TINAG: variants seen among roughly 807,000 people sequenced by gnomAD.
TINAG encodes the protein tubulointerstitial nephritis antigen.
TINAG carries 83 observed loss-of-function variants against 72.7 expected under a neutral mutation model. The ratio of observed to expected loss-of-function variants is 1.14; its 90% CI spans 0.96 to 1.37. The LOEUF (loss-of-function observed/expected upper bound fraction) is 1.37. TINAG is among the 40% of genes most tolerant of loss of function. The pLI, the probability that TINAG is intolerant of heterozygous loss-of-function variation, is 0.00. For missense variants in TINAG, 685 were observed against 576.6 expected, an observed-to-expected ratio of 1.19 and a Z score of -1.93; for synonymous variants, 234 against 189.9, an observed-to-expected ratio of 1.23 and a Z score of -1.91.
intron 1 of TINAG, among the ~76,000 whole-genome samples, chr6:54,313,939 T>C (rs1189480587): frequency 1.3e-5 from 2 of 152,176 alleles, no homozygotes; most frequent in Admixed American, 6.6e-5. Flanking sequence ...TAAAACTTTT[T>C]ATATATCCAT....
At chr6:54,322,747 G>A in intron 3 of TINAG, among the ~76,000 whole-genome samples, 1 of 152,186 alleles carries the variant, frequency 6.6e-6, no homozygotes, top group East Asian at 1.9e-4. Flanking sequence ...GAGTGTGTGT[G>A]TTTGTGTTAA....
intron 4 of TINAG, among the ~76,000 whole-genome samples, chr6:54,332,249 G>T (rs1349371537): frequency 6.6e-6 from 1 of 152,112 alleles, no homozygotes; most frequent in African/African-American, 2.4e-5. Context: ...AAAACAGCAT[G>T]GTACTTGTAC....
At chr6:54,327,981 A>G (rs1420908591) in intron 4 of TINAG, among the ~76,000 whole-genome samples, 4 of 152,152 alleles carry the variant, frequency 2.6e-5, no homozygotes. Flanking sequence ...TGGCTTATAG[A>G]TAAAACTCCC....
rs142069767 is a variant in TINAG at position 54,342,062 on chromosome 6, G to GGTGTGT, written c.625-1148_625-1143dup. 5.8e-3 allele frequency among the ~76,000 whole-genome samples: 859 copies of GGTGTGT among 147,638 alleles called. 10 individuals are homozygous for GGTGTGT. Among genetic ancestry groups the GGTGTGT allele is most frequent in the African/African-American group, 0.02 (762 of 38,286 alleles). ...TGAAAGAATGCTCAGAAATGATTGG[G>GGTGTGT]GTGTGTGTGTGTGTGTGTGTGAGAA... is the stretch of plus-strand genomic sequence containing the variant. On this transcript the variant is annotated intron_variant, in intron 4 of 10. Coordinates refer to ENST00000259782, the MANE Select transcript of TINAG (RefSeq NM_014464.4).
chr6:54,333,968 A>G (rs1784803095), intron 4 of TINAG, among the ~76,000 whole-genome samples: 1 of 152,186 alleles, frequency 6.6e-6, no homozygotes, highest in Non-Finnish European at 1.5e-5. Flanking sequence ...CCTTTGTAAA[A>G]TTACCTCCAG....
intron 9 of TINAG, chr6:54,365,602 A>G (rs546328066): frequency 6.6e-6 from 1 of 151,736 alleles, no homozygotes; most frequent in South Asian, 2.1e-4. Context: ...CCACAACTCC[A>G]TTCATATTCC....
chr6:54,375,858 T>G (rs1339115102), intron 9 of TINAG, among the ~76,000 whole-genome samples: 2 of 152,208 alleles, frequency 1.3e-5, no homozygotes, highest in East Asian at 3.8e-4. Flanking sequence ...ACACCAGAGC[T>G]GTCTTTCTAA....
At position 54,343,229 on chromosome 6, in the gene TINAG, T is replaced by C. The variant is rs749917904; in HGVS notation, c.628T>C (p.Ser210Pro). ...TGTACCTCTTCTTCCTCTTTAGGCT[T>C]CTTTACCTGCAACAACTGATCTTCC... ...MLLSMNEMTA[S>P]LPATTDLPEF... The change falls in exon 5 of 11, where the codon TCT (serine) becomes CCT (proline). Residue 210 changes from serine to proline, a missense_variant. Ser to Pro is a moderately conservative substitution (Grantham distance 74, BLOSUM62 -1). Transcript: ENST00000259782. The C allele has an allele frequency of 6.4e-7, 1 of 1,558,880 alleles. No individual in the cohort carries two copies. The highest frequency in any genetic ancestry group is 1.2e-5 in the South Asian group (1 of 80,076).
chr6:54,323,993 A>T (rs1784550387), intron 3 of TINAG, among the ~76,000 whole-genome samples: 2 of 152,142 alleles, frequency 1.3e-5, no homozygotes, highest in Admixed American at 6.6e-5. Context: ...TGTTAAGGGA[A>T]TTTACCATCT....
At chr6:54,317,978 C>A (rs968983991) in intron 1 of TINAG, among the ~76,000 whole-genome samples, 2 of 152,038 alleles carry the variant, frequency 1.3e-5, no homozygotes, top group Non-Finnish European at 2.9e-5. Context: ...CCACCTAGAG[C>A]ATTTGAAACA....
chr6:54,309,283 C>G (rs1036493085), intron 1 of TINAG, among the ~76,000 whole-genome samples: 2 of 152,082 alleles, frequency 1.3e-5, no homozygotes, highest in African/African-American at 4.8e-5. Flanking sequence ...TAGAGAGTCT[C>G]AAGAAAGTCG....
chr6:54,379,070 G>A (rs900842604), intron 9 of TINAG, among the ~76,000 whole-genome samples: 1 of 152,080 alleles, frequency 6.6e-6, no homozygotes, highest in African/African-American at 2.4e-5. Context: ...TCTCTTCTAG[G>A]AATGTTTGTT....
chr6:54,330,020 T>C (rs1015701529), intron 4 of TINAG, among the ~76,000 whole-genome samples: 6 of 151,282 alleles, frequency 4.0e-5, no homozygotes, highest in Admixed American at 2.6e-4. Context: ...ATAATAATAG[T>C]TGAAGATTTT....
At chr6:54,322,169 A>T (rs975999611) in intron 3 of TINAG, among the ~76,000 whole-genome samples, 4 of 152,110 alleles carry the variant, frequency 2.6e-5, no homozygotes, top group Admixed American at 6.5e-5. Context: ...TTAGCTGGGC[A>T]TGGTGGTGCA....
intron 10 of TINAG, among the ~76,000 whole-genome samples, chr6:54,383,389 A>G (rs538478308): frequency 1.3e-4 from 20 of 152,166 alleles, no homozygotes; most frequent in Non-Finnish European, 2.5e-4. Flanking sequence ...AAAAATATTG[A>G]AAGTCTTTCA....
chr6:54,320,419 A>G (rs1328739191), intron 1 of TINAG, among the ~76,000 whole-genome samples, 160 bp from the exon 2 acceptor site: 1 of 152,180 alleles, frequency 6.6e-6, no homozygotes, highest in Non-Finnish European at 1.5e-5. Context: ...TTCGATATAC[A>G]CACCTTGACA....
At chr6:54,359,628 ACTC>A (rs1203325767) in intron 9 of TINAG, among the ~76,000 whole-genome samples, 4 of 151,804 alleles carry the variant, frequency 2.6e-5, no homozygotes, top group African/African-American at 9.6e-5. Context: ...ACTTTTATAA[ACTC>A]CTAGAAAATT....
intron 3 of TINAG, among the ~76,000 whole-genome samples, chr6:54,323,436 T>A (rs1784536974): frequency 6.6e-6 from 1 of 152,218 alleles, no homozygotes; most frequent in South Asian, 2.1e-4. Context: ...CCATATTATA[T>A]CATTCAATAT....
At chr6:54,360,145 G>C (rs1300894972) in intron 9 of TINAG, among the ~76,000 whole-genome samples, 1 of 151,626 alleles carries the variant, frequency 6.6e-6, no homozygotes, top group Non-Finnish European at 1.5e-5. Flanking sequence ...GGTGATAAAG[G>C]CTATATATTC....
Sources: gnomAD v4.1 joint callset for allele counts (sites outside exome capture counted in the v4.1 genomes callset) on GRCh38, gnomAD v4.1.1 for gene constraint, MANE v1.5 for transcripts, NCBI Gene and HGNC (gene_info 2026-07-23, HGNC 2026-07-21) for gene names.